FABP7: variants seen among roughly 807,000 people sequenced by gnomAD.
The protein encoded by FABP7 is fatty acid-binding protein, brain.
A neutral mutation model predicts 14.2 loss-of-function variants in FABP7; 13 were observed. The ratio of observed to expected loss-of-function variants is 0.91; its 90% CI spans 0.59 to 1.45. The LOEUF (loss-of-function observed/expected upper bound fraction) is 1.45. FABP7 is among the 40% of genes most tolerant of loss of function. The pLI, the probability that FABP7 is intolerant of heterozygous loss-of-function variation, is 0.00. For missense variants in FABP7, 149 were observed against 157.6 expected, an observed-to-expected ratio of 0.95 and a Z score of 0.29; for synonymous variants, 49 against 51.4, an observed-to-expected ratio of 0.95 and a Z score of 0.20.
the FABP7 span, among the ~76,000 whole-genome samples, chr6:122,763,445 A>T: frequency 6.6e-6 from 1 of 152,194 alleles, no homozygotes; most frequent in African/African-American, 2.4e-5. Flanking sequence ...CCTAGAAGAA[A>T]ACCTAGGCAA....
At chr6:122,780,192 C>A in intron 1 of FABP7, 99 bp from the exon 2 acceptor site, 1 of 1,248,672 alleles carries the variant, frequency 8.0e-7, no homozygotes, top group African/African-American at 1.5e-5. Flanking sequence ...ATGAAACTTA[C>A]ACTTTAGAAC....
At chr6:122,752,422 G>T in the FABP7 span, among the ~76,000 whole-genome samples, 1 of 152,172 alleles carries the variant, frequency 6.6e-6, no homozygotes, top group Admixed American at 6.5e-5. Context: ...TAAATAGTGG[G>T]TTACATCTGC....
chr6:122,776,830 G>A (rs1780683859), upstream of FABP7, among the ~76,000 whole-genome samples: 1 of 152,082 alleles, frequency 6.6e-6, no homozygotes, highest in Non-Finnish European at 1.5e-5. Context: ...TTAAAAAATA[G>A]TCACTTGACT....
chr6:122,780,189 T>C, intron 1 of FABP7, 102 bp from the exon 2 acceptor site: 1 of 1,241,154 alleles, frequency 8.1e-7, no homozygotes, highest in South Asian at 1.3e-5. Context: ...CTAATGAAAC[T>C]TACACTTTAG....
upstream of FABP7, among the ~76,000 whole-genome samples, chr6:122,777,445 G>C (rs1780693568): frequency 6.6e-6 from 1 of 152,088 alleles, no homozygotes; most frequent in African/African-American, 2.4e-5. Context: ...AAAAGGAAGG[G>C]AAGTCGGACA....
chr6:122,755,157 T>C, the FABP7 span, among the ~76,000 whole-genome samples: 1 of 152,178 alleles, frequency 6.6e-6, no homozygotes, highest in Non-Finnish European at 1.5e-5. Context: ...TTATATGCCA[T>C]GATCTATTGC....
the FABP7 span, among the ~76,000 whole-genome samples, chr6:122,769,114 G>A: frequency 6.6e-6 from 1 of 152,086 alleles, no homozygotes; most frequent in Non-Finnish European, 1.5e-5. Context: ...GGGTAGAAAA[G>A]CAAACCATAC....
At chr6:122,771,018 G>A in the FABP7 span, among the ~76,000 whole-genome samples, 9 of 152,202 alleles carry the variant, frequency 5.9e-5, no homozygotes, top group African/African-American at 2.2e-4. Flanking sequence ...GAGACAGAAT[G>A]CACACAAGTC....
intron 1 of FABP7, 75 bp downstream of exon 1, chr6:122,779,942 A>C (rs1780741514): frequency 1.4e-6 from 2 of 1,407,700 alleles, no homozygotes; most frequent in East Asian, 2.3e-5. Flanking sequence ...TTTTTCACTC[A>C]TCAGGTCAGC....
chr6:122,771,953 T>C, the FABP7 span, among the ~76,000 whole-genome samples: 1 of 152,240 alleles, frequency 6.6e-6, no homozygotes, highest in Non-Finnish European at 1.5e-5. Flanking sequence ...ACGATGGTCG[T>C]AGAGCACAAT....
At chr6:122,774,359 CAAAAAAAAAAA>C in the FABP7 span, among the ~76,000 whole-genome samples, 13 of 66,624 alleles carry the variant, frequency 2.0e-4, no homozygotes, top group African/African-American at 5.5e-4. Context: ...TAGACTCTGT[CAAAAAAAAAAA>C]AAAAAAAAAA....
At chr6:122,754,906 A>G in the FABP7 span, among the ~76,000 whole-genome samples, 139,382 of 151,904 alleles carry the variant, frequency 0.92, 64,412 homozygotes, top group Non-Finnish European at 0.97. Context: ...TTCAATTACA[A>G]TGTTCTCCAC....
the FABP7 span, among the ~76,000 whole-genome samples, chr6:122,758,260 A>G: frequency 1.2e-3 from 179 of 152,190 alleles, 5 homozygotes; most frequent in East Asian, 0.025. Context: ...GGCATGTGTC[A>G]CCACATCTGG....
In FABP7 at chr6:122,784,068, C is replaced by A. The variant is rs190065117; in HGVS notation, c.*301C>A. On this transcript the variant is annotated 3_prime_UTR_variant, in exon 4 of 4. Coordinates refer to ENST00000368444, the MANE Select transcript of FABP7 (RefSeq NM_001446.5). ...ATCAAATTTGAATAAAAATCTTACA[C>A]GTGAAATTTTGTTGTTGTTTCTAAT... 3 of 247,370 alleles carry A rather than the reference C, an allele frequency of 1.2e-5. No homozygotes were observed. Among genetic ancestry groups the A allele is most frequent in the African/African-American group, 2.5e-5 (1 of 40,086 alleles). The allele number at this position is 247,370 out of a possible 1,614,324, so 15.3% of individuals were successfully genotyped here.
At chr6:122,771,656 T>C in the FABP7 span, among the ~76,000 whole-genome samples, 1 of 152,210 alleles carries the variant, frequency 6.6e-6, no homozygotes, top group East Asian at 1.9e-4. Context: ...TTATTAAAAC[T>C]ATTCTGTGTG....
the FABP7 span, among the ~76,000 whole-genome samples, chr6:122,762,569 G>C: frequency 6.6e-6 from 1 of 151,924 alleles, no homozygotes; most frequent in African/African-American, 2.4e-5. Context: ...AGAAATAAAG[G>C]GTATTCAGTT....
At chr6:122,755,493 C>G in the FABP7 span, among the ~76,000 whole-genome samples, 22 of 145,640 alleles carry the variant, frequency 1.5e-4, no homozygotes, top group Admixed American at 1.0e-3. Context: ...GAGTCTCGCT[C>G]TGTAGCCCAG....
At chr6:122,754,028 A>G in the FABP7 span, among the ~76,000 whole-genome samples, 1 of 152,076 alleles carries the variant, frequency 6.6e-6, no homozygotes, top group Non-Finnish European at 1.5e-5. Context: ...TTAGGCATGG[A>G]AAGTTAGGGT....
At chr6:122,781,225 GT>G (rs778540540) in intron 3 of FABP7, 31 bp downstream of exon 3, 13 of 1,610,364 alleles carry the variant, frequency 8.1e-6, no homozygotes, top group Admixed American at 3.3e-5. Context: ...ATTCTTCCTT[GT>G]TTTTTTCTCC....
Sources: allele counts gnomAD v4.1 joint callset (sites outside exome capture counted in the v4.1 genomes callset), GRCh38; gene constraint gnomAD v4.1.1; transcripts MANE v1.5; gene names NCBI Gene and HGNC (gene_info 2026-07-23, HGNC 2026-07-21).